MBNL1: variants seen among roughly 807,000 people sequenced by gnomAD.
MBNL1 encodes muscleblind like splicing regulator 1, also known as muscleblind-like protein 1.
In MBNL1, 8 loss-of-function variants were observed where a neutral mutation model predicts 42.2. The observed-to-expected ratio is 0.19, with a 90% CI of 0.11 to 0.34. The LOEUF (loss-of-function observed/expected upper bound fraction) is 0.34, where lower values mean the gene tolerates loss of function less well. MBNL1 is among the 10% of genes least tolerant of loss of function. The pLI is 1.00. For synonymous variants in MBNL1, 169 were observed against 173.9 expected (o/e 0.97, Z 0.22); for missense variants, 309 against 495.3 (o/e 0.62, Z 3.57).
intron 3 of MBNL1, among the ~76,000 whole-genome samples, chr3:152,424,627 A>G (rs1235319186): frequency 2.6e-5 from 4 of 152,172 alleles, no homozygotes; most frequent in Non-Finnish European, 1.5e-5. Flanking sequence ...AGCCAAGACA[A>G]TCCTAAGCGA....
chr3:152,333,485 A>G (rs932181561), intron 2 of MBNL1, among the ~76,000 whole-genome samples: 1 of 152,160 alleles, frequency 6.6e-6, no homozygotes, highest in Non-Finnish European at 1.5e-5. Context: ...GAGTTCTAAC[A>G]CTTCATCAGT....
chr3:152,426,173 A>G (rs1373754297), intron 3 of MBNL1, among the ~76,000 whole-genome samples: 2 of 150,718 alleles, frequency 1.3e-5, no homozygotes, highest in Non-Finnish European at 3.0e-5. Context: ...ACGGGGGGGG[A>G]ACATCACACA....
At chr3:152,316,333 G>T (rs2071403328) in intron 2 of MBNL1, among the ~76,000 whole-genome samples, 2 of 152,188 alleles carry the variant, frequency 1.3e-5, no homozygotes, top group Non-Finnish European at 2.9e-5. Flanking sequence ...GATTTTGCCA[G>T]TTGGACCACT....
At chr3:152,383,588 C>T (rs2097277681) in intron 2 of MBNL1, among the ~76,000 whole-genome samples, 1 of 152,062 alleles carries the variant, frequency 6.6e-6, no homozygotes, top group South Asian at 2.1e-4. Flanking sequence ...ACAAAGGTTT[C>T]TTATGCCTGT....
At chr3:152,433,264 TTTGTTG>T (rs376289137) in intron 4 of MBNL1, among the ~76,000 whole-genome samples, 1 of 151,852 alleles carries the variant, frequency 6.6e-6, no homozygotes, top group African/African-American at 2.4e-5. Flanking sequence ...CTCCTGAATG[TTTGTTG>T]TTGTTGTTGT....
chr3:152,395,267 A>T (rs953177887), intron 2 of MBNL1, among the ~76,000 whole-genome samples: 1 of 152,226 alleles, frequency 6.6e-6, no homozygotes, highest in African/African-American at 2.4e-5. Flanking sequence ...TGTAGCAGAC[A>T]TGTTATTGCT....
intron 4 of MBNL1, among the ~76,000 whole-genome samples, chr3:152,440,371 C>T (rs1390553691): frequency 1.3e-5 from 2 of 152,344 alleles, no homozygotes; most frequent in East Asian, 3.9e-4. Context: ...TACAGTTCCA[C>T]ATGGCTAGGG....
chr3:152,372,698 A>T (rs2096722409), intron 2 of MBNL1, among the ~76,000 whole-genome samples: 1 of 152,138 alleles, frequency 6.6e-6, no homozygotes, highest in African/African-American at 2.4e-5. Context: ...CACCCGCCAG[A>T]TGCTAGTGGA....
chr3:152,246,300 CA>C (rs1050437098), intron 2 of MBNL1, among the ~76,000 whole-genome samples: 6 of 152,050 alleles, frequency 3.9e-5, no homozygotes, highest in African/African-American at 1.4e-4. Flanking sequence ...TTCAGAACAG[CA>C]AATGAAGGCT....
rs749519281 is a variant in MBNL1, at chr3:152,299,823, G to T, written c.-371G>T. On this transcript the variant is annotated 5_prime_UTR_variant, in exon 2 of 10. Coordinates refer to ENST00000324210, the MANE Select transcript of MBNL1 (RefSeq NM_021038.5). ...GAAAGCAGCTTGGAAATTCGGTGTC[G>T]AAGGGTCTGCCACGTTTTCATGCTT... 2.5e-6 allele frequency: 1 copy of T among 402,712 alleles called. No homozygotes were observed. The highest frequency in any genetic ancestry group is 4.4e-6 in the Non-Finnish European group (1 of 228,660). 24.9% of individuals were successfully genotyped at this position (402,712 alleles called of 1,614,324 possible). A position where few individuals can be genotyped will look rare whatever the true frequency, so the allele number is the denominator to read the frequency against.
intron 2 of MBNL1, among the ~76,000 whole-genome samples, chr3:152,360,534 C>A (rs921841193): frequency 2.0e-5 from 3 of 152,036 alleles, no homozygotes; most frequent in Admixed American, 1.3e-4. Context: ...AGGAATCATC[C>A]TTTCTATGAT....
intron 2 of MBNL1, among the ~76,000 whole-genome samples, chr3:152,358,107 A>G (rs111246488): frequency 1.3e-5 from 2 of 152,302 alleles, no homozygotes; most frequent in African/African-American, 2.4e-5. Flanking sequence ...TGTTAATTTT[A>G]GTCTTCTAAA....
chr3:152,336,462 A>G (rs2090262182), intron 2 of MBNL1, among the ~76,000 whole-genome samples: 1 of 152,224 alleles, frequency 6.6e-6, no homozygotes, highest in African/African-American at 2.4e-5. Context: ...TATCACATTG[A>G]CATGATTATA....
At chr3:152,455,507 A>G (rs200132961) in intron 6 of MBNL1, 35 bp from the exon 7 acceptor site, 114 of 1,594,062 alleles carry the variant, frequency 7.2e-5, no homozygotes, top group Non-Finnish European at 9.3e-5. Context: ...TTCCCTTTTC[A>G]AATCCACCTT....
intron 2 of MBNL1, chr3:152,338,282 C>T (rs1284700075): frequency 8.1e-6 from 8 of 985,342 alleles, no homozygotes; most frequent in Non-Finnish European, 9.6e-6. Flanking sequence ...GCCAATTGTT[C>T]CTCTTCTCCC....
chr3:152,331,982 G>A (rs909171867), intron 2 of MBNL1, among the ~76,000 whole-genome samples: 5 of 152,100 alleles, frequency 3.3e-5, no homozygotes, highest in African/African-American at 7.2e-5. Flanking sequence ...GTGAGCCACC[G>A]CTCCCGGCCT....
chr3:152,444,073 C>T (rs1158221007), intron 4 of MBNL1, among the ~76,000 whole-genome samples: 2 of 152,162 alleles, frequency 1.3e-5, no homozygotes, highest in Non-Finnish European at 2.9e-5. Context: ...AGTAGGGTTA[C>T]AGTTTTTCTT....
rs1182414005 is a variant in MBNL1 at position 152,445,389 on chromosome 3, T to G, written c.657T>G (p.Thr219=). The change falls in exon 5 of 10, where the codon ACT becomes ACG. Residue 219 remains threonine, a synonymous_variant. Coordinates refer to ENST00000324210, the MANE Select transcript of MBNL1 (RefSeq NM_021038.5). The part of the protein sequence containing the change: ...TMIDTNDNTV[T]VCMDYIKGRC... Reference sequence around the variant, plus strand: ...TTGACACCAATGACAACACAGTCACTGTGTGTATGGATTACATCAAAGGGA... The same window carrying G: ...TTGACACCAATGACAACACAGTCACGGTGTGTATGGATTACATCAAAGGGA... The G allele has an allele frequency of 6.2e-7, 1 of 1,614,140 alleles. No homozygotes were observed. Among genetic ancestry groups the G allele is most frequent in the East Asian group, 2.2e-5 (1 of 44,888 alleles).
chr3:152,275,569 C>G (rs563997361), intron 1 of MBNL1, among the ~76,000 whole-genome samples: 1 of 151,884 alleles, frequency 6.6e-6, no homozygotes, highest in South Asian at 2.1e-4. Flanking sequence ...ATTAGCTGGG[C>G]ATGGTGGCGC....
Sources: gnomAD v4.1 joint callset for allele counts (sites outside exome capture counted in the v4.1 genomes callset) on GRCh38, gnomAD v4.1.1 for gene constraint, MANE v1.5 for transcripts, NCBI Gene and HGNC (gene_info 2026-07-23, HGNC 2026-07-21) for gene names.